CYP7B1: variants seen among roughly 807,000 people sequenced by gnomAD.
CYP7B1 encodes the protein cytochrome P450 7B1.
In CYP7B1, 29 loss-of-function variants were observed where a neutral mutation model predicts 42.7. The ratio of observed to expected loss-of-function variants is 0.68; its 90% CI spans 0.51 to 0.93. The LOEUF (loss-of-function observed/expected upper bound fraction) is 0.93, where lower values mean the gene tolerates loss of function less well. CYP7B1 is among the 40% of genes least tolerant of loss of function. The pLI is 0.00. For missense variants in CYP7B1, 655 were observed against 600.5 expected, an observed-to-expected ratio of 1.09 and a Z score of -0.95; for synonymous variants, 235 against 218.2, an observed-to-expected ratio of 1.08 and a Z score of -0.68.
At chr8:64,680,340 A>G (rs960699207) in intron 1 of CYP7B1, among the ~76,000 whole-genome samples, 1 of 152,044 alleles carries the variant, frequency 6.6e-6, no homozygotes, top group Non-Finnish European at 1.5e-5. Flanking sequence ...ATATATTACT[A>G]ATATGTTCCT....
intron 1 of CYP7B1, among the ~76,000 whole-genome samples, chr8:64,660,457 G>T (rs1806184889): frequency 6.6e-6 from 1 of 152,186 alleles, no homozygotes; most frequent in Non-Finnish European, 1.5e-5. Context: ...CACAAGAGTT[G>T]GTTGAGGCTG....
intron 1 of CYP7B1, among the ~76,000 whole-genome samples, chr8:64,749,224 G>A (rs1169629522): frequency 6.6e-6 from 1 of 152,028 alleles, no homozygotes; most frequent in Non-Finnish European, 1.5e-5. Flanking sequence ...GGGATTACAG[G>A]TGCACACTGC....
At chr8:64,792,428 C>T (rs1028619871) in intron 1 of CYP7B1, among the ~76,000 whole-genome samples, 2 of 152,146 alleles carry the variant, frequency 1.3e-5, no homozygotes, top group Non-Finnish European at 2.9e-5. Context: ...TCTGCATAGA[C>T]AGCTAAGGGC....
At chr8:64,616,737 C>T (rs1301598797) in intron 2 of CYP7B1, among the ~76,000 whole-genome samples, 2 of 152,184 alleles carry the variant, frequency 1.3e-5, no homozygotes, top group East Asian at 1.9e-4. Context: ...TCAAATACAA[C>T]AATTTTAACT....
chr8:64,590,682 T>A (rs1340203848), downstream of CYP7B1, among the ~76,000 whole-genome samples: 1 of 152,156 alleles, frequency 6.6e-6, no homozygotes, highest in African/African-American at 2.4e-5. Context: ...GTTAATATAC[T>A]TTCAGGAGAG....
intron 1 of CYP7B1, among the ~76,000 whole-genome samples, chr8:64,738,996 G>C (rs1807531324): frequency 1.3e-5 from 2 of 152,290 alleles, no homozygotes; most frequent in South Asian, 4.1e-4. Flanking sequence ...TCACAGAGAA[G>C]AGCTAAAACA....
At chr8:64,645,313 C>T (rs1805933886) in intron 1 of CYP7B1, among the ~76,000 whole-genome samples, 2 of 152,082 alleles carry the variant, frequency 1.3e-5, no homozygotes, top group Non-Finnish European at 2.9e-5. Context: ...ATTTCTAGTT[C>T]TAGATTCCTG....
intron 1 of CYP7B1, chr8:64,729,003 T>C (rs779121429): frequency 2.0e-5 from 3 of 151,892 alleles, no homozygotes; most frequent in Non-Finnish European, 4.4e-5. Flanking sequence ...TATAAAAAAA[T>C]AGAAAAGTTA....
chr8:64,690,881 A>T (rs944026182), intron 1 of CYP7B1, among the ~76,000 whole-genome samples: 6 of 152,188 alleles, frequency 3.9e-5, no homozygotes, highest in Admixed American at 3.3e-4. Context: ...ATAAGCAATC[A>T]GTTTTATGCC....
chr8:64,659,248 TTACTA>T (rs141026025), intron 1 of CYP7B1, among the ~76,000 whole-genome samples: 4,844 of 152,260 alleles, frequency 0.032, 230 homozygotes, highest in African/African-American at 0.11. Context: ...TAAAAACTAT[TTACTA>T]TATATATTCA....
At chr8:64,750,569 T>C (rs1328190577) in intron 1 of CYP7B1, among the ~76,000 whole-genome samples, 1 of 152,220 alleles carries the variant, frequency 6.6e-6, no homozygotes, top group Admixed American at 6.5e-5. Context: ...TAAGCAACCT[T>C]TAAGTACAGT....
At chr8:64,748,428 C>T (rs1807678891) in intron 1 of CYP7B1, among the ~76,000 whole-genome samples, 1 of 152,204 alleles carries the variant, frequency 6.6e-6, no homozygotes, top group Non-Finnish European at 1.5e-5. Context: ...AAGTACTTCT[C>T]AGTCCTTTTG....
At chr8:64,702,639 C>T (rs553789890) in intron 1 of CYP7B1, among the ~76,000 whole-genome samples, 1 of 152,076 alleles carries the variant, frequency 6.6e-6, no homozygotes, top group Non-Finnish European at 1.5e-5. Flanking sequence ...GACACACAAA[C>T]AAGTGACCTT....
In CYP7B1 at chr8:64,596,474, T is replaced by C; in HGVS notation, c.*168A>G. 1.5e-6 allele frequency: 1 copy of C among 665,946 alleles called. No homozygotes were observed. 41.3% of individuals were successfully genotyped at this position (665,946 alleles called of 1,614,324 possible). On this transcript the variant is annotated 3_prime_UTR_variant, in exon 6 of 6. Transcript: ENST00000310193. ...CCTGCCACCATCCTGTTTTATATTATGATGGGCTTTGTGACTAAGGACAAA... is the reference window on the plus strand; with the variant it reads ...CCTGCCACCATCCTGTTTTATATTACGATGGGCTTTGTGACTAAGGACAAA...
At chr8:64,691,109 T>C (rs991803317) in intron 1 of CYP7B1, among the ~76,000 whole-genome samples, 3 of 152,170 alleles carry the variant, frequency 2.0e-5, no homozygotes, top group African/African-American at 4.8e-5. Flanking sequence ...GCTAAGGTAT[T>C]ACTTCAACAT....
chr8:64,587,002 TGA>T (rs761500906), downstream of CYP7B1, among the ~76,000 whole-genome samples: 24 of 152,160 alleles, frequency 1.6e-4, no homozygotes, highest in Non-Finnish European at 2.8e-4. Context: ...ACTCTTACGG[TGA>T]GAGTCTTTTT....
intron 1 of CYP7B1, among the ~76,000 whole-genome samples, chr8:64,707,305 T>TA (rs1272838192): frequency 3.3e-5 from 5 of 152,108 alleles, no homozygotes; most frequent in Admixed American, 6.6e-5. Context: ...TTCAAGGCCA[T>TA]ATCCCCTGAT....
intron 1 of CYP7B1, among the ~76,000 whole-genome samples, chr8:64,734,085 G>T (rs1477172006): frequency 1.3e-5 from 2 of 152,130 alleles, no homozygotes; most frequent in African/African-American, 4.8e-5. Flanking sequence ...CAGTACTTTT[G>T]CTTTATAGTG....
rs564301269 is a variant in CYP7B1 at position 64,752,544 on chromosome 8, G to A, written c.122+45922C>T. The stretch of plus-strand genomic sequence containing the variant: ...TTAAAATATGCTAGTAATGAGGAAA[G>A]ACATATGGGATATTATGTAGAGCTG... On this transcript the variant is annotated intron_variant, in intron 1 of 5. Transcript: ENST00000310193. Among the ~76,000 whole-genome samples the A allele has an allele frequency of 7.9e-5, 12 of 152,010 alleles. No individual in the cohort carries two copies. In the East Asian group the frequency reaches 9.6e-4, roughly 12 times the overall value.
Sources: allele counts gnomAD v4.1 joint callset (sites outside exome capture counted in the v4.1 genomes callset), GRCh38; gene constraint gnomAD v4.1.1; transcripts MANE v1.5; gene names NCBI Gene and HGNC (gene_info 2026-07-23, HGNC 2026-07-21).